Variants in MYLK observed in about 807,000 individuals in gnomAD.
MYLK encodes myosin light chain kinase, also known as myosin light chain kinase, smooth muscle.
MYLK carries 106 observed loss-of-function variants against 203.4 expected under a neutral mutation model. The observed-to-expected ratio is 0.52, with a 90% CI of 0.45 to 0.61. The LOEUF (loss-of-function observed/expected upper bound fraction) is 0.61. Ranked by LOEUF, MYLK falls within the 20% of genes least tolerant of loss-of-function variation. The pLI, the probability that MYLK is intolerant of heterozygous loss-of-function variation, is 0.00. For missense variants in MYLK, 2,072 were observed against 2,442.3 expected, an observed-to-expected ratio of 0.85 and a Z score of 3.20; for synonymous variants, 867 against 959.5, an observed-to-expected ratio of 0.90 and a Z score of 1.78.
chr3:123,638,632 G>T, intron 28 of MYLK: 1 of 481,910 alleles, frequency 2.1e-6, no homozygotes, highest in Non-Finnish European at 2.7e-6. Context: ...CTGAGAACAT[G>T]AGTGAGGCCC....
At chr3:123,711,742 C>T (rs1283842174) in intron 13 of MYLK, among the ~76,000 whole-genome samples, 1 of 152,164 alleles carries the variant, frequency 6.6e-6, no homozygotes, top group East Asian at 1.9e-4. Flanking sequence ...TAGGATATCT[C>T]TAACTTAAAC....
intron 5 of MYLK, among the ~76,000 whole-genome samples, chr3:123,751,144 CT>C (rs2063179986): frequency 6.6e-6 from 1 of 152,182 alleles, no homozygotes; most frequent in Non-Finnish European, 1.5e-5. Flanking sequence ...GGTTTATAAA[CT>C]TCCAGTCTTA....
At chr3:123,778,287 G>T (rs544575530) in intron 4 of MYLK, among the ~76,000 whole-genome samples, 1 of 151,906 alleles carries the variant, frequency 6.6e-6, no homozygotes, top group Non-Finnish European at 1.5e-5. Flanking sequence ...GGGATTCCTC[G>T]GGAGGGTGAT....
At chr3:123,849,980 G>A (rs1409270389) in intron 2 of MYLK, among the ~76,000 whole-genome samples, 4 of 152,278 alleles carry the variant, frequency 2.6e-5, no homozygotes, top group South Asian at 4.2e-4. Flanking sequence ...ACCTATGAGC[G>A]AGAATATGCG....
chr3:123,687,861 A>C (rs1200162475), intron 19 of MYLK, among the ~76,000 whole-genome samples: 1 of 152,066 alleles, frequency 6.6e-6, no homozygotes, highest in Non-Finnish European at 1.5e-5. Flanking sequence ...TTGTAGAGAC[A>C]GGGTTTCACC....
chr3:123,621,126 A>C (rs2057832234), intron 31 of MYLK: 1 of 152,250 alleles, frequency 6.6e-6, no homozygotes, highest in African/African-American at 2.4e-5. Context: ...TCTGCTGAAA[A>C]GGATCAGAAC....
chr3:123,663,069 G>C (rs2059616227), intron 23 of MYLK, among the ~76,000 whole-genome samples: 1 of 152,206 alleles, frequency 6.6e-6, no homozygotes, highest in Admixed American at 6.5e-5. Flanking sequence ...ATGAGGCATA[G>C]AGTCTACTCT....
chr3:123,810,468 C>T (rs528948087), intron 3 of MYLK, among the ~76,000 whole-genome samples: 10 of 152,302 alleles, frequency 6.6e-5, no homozygotes, highest in South Asian at 2.1e-4. Flanking sequence ...AGGCTTGGGC[C>T]GGCCCACTGT....
intron 29 of MYLK, among the ~76,000 whole-genome samples, chr3:123,635,635 C>T (rs1184028899): frequency 6.6e-6 from 1 of 152,190 alleles, no homozygotes; most frequent in East Asian, 1.9e-4. Flanking sequence ...TTGGTCTTTG[C>T]TTTAAAAGTA....
intron 23 of MYLK, among the ~76,000 whole-genome samples, chr3:123,661,401 T>C (rs1027432476): frequency 2.6e-5 from 4 of 152,150 alleles, no homozygotes; most frequent in East Asian, 1.9e-4. Flanking sequence ...CAGATCTAAA[T>C]GTACCAGTAA....
intron 4 of MYLK, among the ~76,000 whole-genome samples, chr3:123,771,557 G>A (rs373881641): frequency 6.6e-6 from 1 of 152,062 alleles, no homozygotes; most frequent in Non-Finnish European, 1.5e-5. Flanking sequence ...TTGATTTTGC[G>A]AGTTGAATGA....
rs138172035 is a variant in MYLK at position 123,708,870 on chromosome 3, C to G, written c.1968G>C (p.Trp656Cys). The G allele has an allele frequency of 6.2e-6, 10 of 1,613,948 alleles. No homozygotes were observed. The African/African-American group carries it at 1.1e-4, about 17-fold the overall frequency. Reference sequence around the variant, plus strand: ...CTTGGATCTCATTCCCATTGTGCAGCCAGATGACTTCAGGGGGTGGATTCC... The same window carrying G: ...CTTGGATCTCATTCCCATTGTGCAGGCAGATGACTTCAGGGGGTGGATTCC... ...VSGNPPPEVI[W>C]LHNGNEIQES... The change falls in exon 15 of 34, where the codon TGG becomes TGC. Residue 656 changes from tryptophan to cysteine, a missense_variant. By Grantham distance (215) the Trp-to-Cys change is radical (BLOSUM62 -2). Transcript: ENST00000360304.
intron 5 of MYLK, among the ~76,000 whole-genome samples, chr3:123,747,707 A>G (rs144955986): frequency 6.6e-6 from 1 of 152,340 alleles, no homozygotes; most frequent in Non-Finnish European, 1.5e-5. Context: ...TTCTGTGCAC[A>G]TGCATTTGCA....
At chr3:123,819,787 CTTTT>C (rs5852369) in intron 3 of MYLK, among the ~76,000 whole-genome samples, 53 of 74,528 alleles carry the variant, frequency 7.1e-4, no homozygotes, top group Non-Finnish European at 8.2e-4. Context: ...TCTAAGCCTC[CTTTT>C]TTTTTTTTTT....
At chr3:123,769,324 A>G (rs775590707) in intron 4 of MYLK, among the ~76,000 whole-genome samples, 17 of 152,236 alleles carry the variant, frequency 1.1e-4, no homozygotes, top group Non-Finnish European at 2.2e-4. Context: ...AATATTTTAA[A>G]CCAGAATGGC....
intron 3 of MYLK, among the ~76,000 whole-genome samples, chr3:123,795,754 G>A (rs1334704569): frequency 6.6e-6 from 1 of 152,178 alleles, no homozygotes; most frequent in Non-Finnish European, 1.5e-5. Context: ...GCCCAGACGT[G>A]GGGCACACAT....
intron 2 of MYLK, among the ~76,000 whole-genome samples, chr3:123,867,204 G>A (rs962724171): frequency 1.3e-5 from 2 of 151,880 alleles, no homozygotes; most frequent in African/African-American, 2.4e-5. Flanking sequence ...CCCCATCCAC[G>A]GTGTAGTCTG....
intron 2 of MYLK, among the ~76,000 whole-genome samples, chr3:123,839,821 T>C (rs116223878): frequency 0.019 from 2,900 of 152,200 alleles, 37 homozygotes; most frequent in Middle Eastern, 0.031. Context: ...TGAATCAAAT[T>C]AAAAGAAGTG....
At chr3:123,856,162 A>C (rs1342971958) in intron 2 of MYLK, among the ~76,000 whole-genome samples, 1 of 152,212 alleles carries the variant, frequency 6.6e-6, no homozygotes, top group Admixed American at 6.5e-5. Context: ...GTTTGGAATC[A>C]ACAAATGGAG....
Sources: allele counts gnomAD v4.1 joint callset (sites outside exome capture counted in the v4.1 genomes callset), GRCh38; gene constraint gnomAD v4.1.1; transcripts MANE v1.5; gene names NCBI Gene and HGNC (gene_info 2026-07-23, HGNC 2026-07-21).